Variants in RNF24 observed in about 807,000 individuals in gnomAD.
RNF24 encodes the protein ring finger protein 24.
In RNF24, 14 loss-of-function variants were observed where a neutral mutation model predicts 20.0. The ratio of observed to expected loss-of-function variants is 0.70; its 90% CI spans 0.46 to 1.10. The LOEUF is 1.10. Ranked by LOEUF, RNF24 falls within the 50% of genes least tolerant of loss-of-function variation. The pLI is 0.00. For synonymous variants in RNF24, 45 were observed against 61.1 expected, an observed-to-expected ratio of 0.74 and a Z score of 1.23; for missense variants, 124 against 177.6, an observed-to-expected ratio of 0.70 and a Z score of 1.71.
chr20:3,996,104 G>A (rs1202679461), intron 1 of RNF24, among the ~76,000 whole-genome samples: 1 of 152,144 alleles, frequency 6.6e-6, no homozygotes, highest in Non-Finnish European at 1.5e-5. Context: ...ATATGAAGCT[G>A]TACAAGATAT....
At chr20:3,978,127 T>C (rs1398699703) in intron 1 of RNF24, among the ~76,000 whole-genome samples, 1 of 151,244 alleles carries the variant, frequency 6.6e-6, no homozygotes, top group Non-Finnish European at 1.5e-5. Flanking sequence ...TAGAGTGCAG[T>C]GGCGTGATCT....
intron 1 of RNF24, among the ~76,000 whole-genome samples, chr20:3,965,876 G>A (rs543403962): frequency 2.0e-4 from 30 of 152,236 alleles, no homozygotes; most frequent in African/African-American, 7.0e-4. Context: ...GCTCACACCT[G>A]TAATCCCAGC....
At chr20:3,964,160 A>G (rs1190337712) in intron 1 of RNF24, 136 bp from the exon 2 acceptor site, 3 of 540,814 alleles carry the variant, frequency 5.5e-6, no homozygotes, top group Non-Finnish European at 9.2e-6. Flanking sequence ...TATTCTTGCC[A>G]TTCATTCATT....
At chr20:3,957,932 C>G (rs2091161120) in intron 2 of RNF24, among the ~76,000 whole-genome samples, 1 of 152,196 alleles carries the variant, frequency 6.6e-6, no homozygotes, top group Non-Finnish European at 1.5e-5. Context: ...ACATTGCTCT[C>G]TAATCCTTCT....
chr20:3,935,819 C>A (rs1264381712), intron 4 of RNF24, among the ~76,000 whole-genome samples: 1 of 152,218 alleles, frequency 6.6e-6, no homozygotes, highest in Non-Finnish European at 1.5e-5. Flanking sequence ...GAAACAGAAG[C>A]TCAGGAAAAT....
rs915570484 is a variant in RNF24 at position 3,978,968 on chromosome 20, C to T, written c.-7-14944G>A. Among the ~76,000 whole-genome samples the T allele has an allele frequency of 2.1e-4, 32 of 151,408 alleles. 1 individual carries two copies. Among genetic ancestry groups the T allele is most frequent in the Admixed American group, 2.0e-3 (31 of 15,170 alleles). ...TAAAAATACAAACATTAGCCAGGCG[C>T]GGTGGCGTGCGCCTGTAATCCCAGC... On this transcript the variant is annotated intron_variant, in intron 1 of 5. Coordinates refer to ENST00000358395, the MANE Select transcript of RNF24 (RefSeq NM_001134337.3).
chr20:3,994,124 A>G (rs1980677121), intron 1 of RNF24, among the ~76,000 whole-genome samples: 1 of 152,204 alleles, frequency 6.6e-6, no homozygotes, highest in Non-Finnish European at 1.5e-5. Context: ...ATCAATGTTC[A>G]TTTTATTCTG....
intron 1 of RNF24, among the ~76,000 whole-genome samples, chr20:3,975,033 T>C (rs866464298): frequency 6.6e-5 from 10 of 152,172 alleles, no homozygotes; most frequent in Middle Eastern, 3.2e-3. Flanking sequence ...ATCAAGACAC[T>C]GATTGGTTTT....
At position 3,982,613 on chromosome 20, in the gene RNF24, G is replaced by A. The variant is rs139720226; in HGVS notation, c.-7-18589C>T. On this transcript the variant is annotated intron_variant, in intron 1 of 5. Transcript: ENST00000358395. ...AAAAAAAAAGAGGTGGGAGCCTGCT[G>A]CAGTGGCTCACACCTATAATCCCAG... 1.7e-4 allele frequency among the ~76,000 whole-genome samples: 26 copies of A among 149,470 alleles called. No homozygotes were observed. In the East Asian group the frequency reaches 4.9e-3, roughly 28 times the overall value.
intron 2 of RNF24, 27 bp from the exon 3 acceptor site, chr20:3,948,306 T>C (rs1448269801): frequency 6.7e-7 from 1 of 1,498,478 alleles, no homozygotes; most frequent in Non-Finnish European, 9.1e-7. Context: ...AGTAATGCAA[T>C]ATTGAGATTT....
Position 3,943,316 on chromosome 20 carries a change from T to G in RNF24, c.228+1861A>C, listed in dbSNP as rs570980951. ...TCCCAGCAGGATTTTTTTTTTTTTT[T>G]TGTGGATACAGATGAGCTGATGCTA... On this transcript the variant is annotated intron_variant, in intron 4 of 5. Coordinates refer to ENST00000358395, the MANE Select transcript of RNF24 (RefSeq NM_001134337.3). Among the ~76,000 whole-genome samples, 8 of 152,058 alleles carry G rather than the reference T, an allele frequency of 5.3e-5. No homozygotes were observed. The East Asian group carries it at 5.8e-4, about 11-fold the overall frequency.
intron 2 of RNF24, among the ~76,000 whole-genome samples, chr20:3,952,583 T>G (rs1262139654): frequency 1.6e-5 from 1 of 64,358 alleles, no homozygotes; most frequent in Non-Finnish European, 3.0e-5. Flanking sequence ...TTTTTTCCCG[T>G]TTTTTTTTTT....
chr20:3,964,793 T>C (rs556790447), intron 1 of RNF24, among the ~76,000 whole-genome samples: 2 of 152,124 alleles, frequency 1.3e-5, no homozygotes, highest in African/African-American at 4.8e-5. Flanking sequence ...GCTGGTATTA[T>C]AGGCATGAGC....
chr20:3,996,481 T>C (rs1483022764), intron 1 of RNF24, among the ~76,000 whole-genome samples: 1 of 152,174 alleles, frequency 6.6e-6, no homozygotes, highest in Non-Finnish European at 1.5e-5. Context: ...AGCTAGAGAA[T>C]GGTAGCTGCT....
chr20:3,935,802 C>A (rs241607), intron 4 of RNF24, among the ~76,000 whole-genome samples: 135,588 of 152,230 alleles, frequency 0.89, 60,749 homozygotes, highest in Non-Finnish European at 0.92. Flanking sequence ...CCCATTTTAC[C>A]GATGAGGAAA....
intron 4 of RNF24, among the ~76,000 whole-genome samples, chr20:3,936,552 G>A (rs2090893306): frequency 6.6e-6 from 1 of 152,174 alleles, no homozygotes; most frequent in Admixed American, 6.5e-5. Flanking sequence ...AACAAGCTGT[G>A]GGTAAAGGTA....
At chr20:3,961,506 G>C (rs916380779) in intron 2 of RNF24, among the ~76,000 whole-genome samples, 2 of 151,974 alleles carry the variant, frequency 1.3e-5, no homozygotes, top group Non-Finnish European at 2.9e-5. Context: ...TGAGGTAAAA[G>C]GGTGTTTCAT....
intron 4 of RNF24, among the ~76,000 whole-genome samples, chr20:3,941,194 T>C (rs2146948506): frequency 6.6e-6 from 1 of 152,304 alleles, no homozygotes; most frequent in African/African-American, 2.4e-5. Context: ...TGTAAGTTTT[T>C]GTATTTTTTG....
At chr20:3,987,957 TA>T (rs1980074700) in intron 1 of RNF24, among the ~76,000 whole-genome samples, 2 of 152,018 alleles carry the variant, frequency 1.3e-5, no homozygotes, top group African/African-American at 4.8e-5. Context: ...GATGTATAGG[TA>T]ACTAATCACA....
Sources: gnomAD v4.1 joint callset for allele counts (sites outside exome capture counted in the v4.1 genomes callset) on GRCh38, gnomAD v4.1.1 for gene constraint, MANE v1.5 for transcripts, NCBI Gene and HGNC (gene_info 2026-07-23, HGNC 2026-07-21) for gene names.